Variants in APBA1 observed in about 807,000 individuals in gnomAD.
APBA1 encodes the protein amyloid beta precursor protein binding family A member 1.
A neutral mutation model predicts 86.6 loss-of-function variants in APBA1; 55 were observed. The observed-to-expected ratio is 0.64, with a 90% CI of 0.51 to 0.80. The LOEUF is 0.80. Ranked by LOEUF, APBA1 falls within the 30% of genes least tolerant of loss-of-function variation. APBA1 has a pLI of 0.00. For synonymous variants in APBA1, 511 were observed against 493.9 expected (o/e 1.03, Z -0.46); for missense variants, 1,090 against 1,183.0 (o/e 0.92, Z 1.15).
intron 1 of APBA1, among the ~76,000 whole-genome samples, chr9:69,624,511 T>A (rs943622108): frequency 5.9e-5 from 9 of 152,178 alleles, no homozygotes; most frequent in African/African-American, 2.2e-4. Flanking sequence ...TCACTAGGTA[T>A]TGAATATAGT....
chr9:69,656,121 C>T (rs1262324875), intron 1 of APBA1, among the ~76,000 whole-genome samples: 1 of 152,152 alleles, frequency 6.6e-6, no homozygotes, highest in African/African-American at 2.4e-5. Context: ...GGTAGGAAAC[C>T]AGGTGCTATC....
At chr9:69,450,072 T>G (rs1033014073) in intron 9 of APBA1, among the ~76,000 whole-genome samples, 6 of 150,298 alleles carry the variant, frequency 4.0e-5, no homozygotes, top group Non-Finnish European at 8.9e-5. Context: ...TTTTTTTTTT[T>G]TTTTTTTTTT....
At chr9:69,595,329 C>A (rs962698314) in intron 1 of APBA1, among the ~76,000 whole-genome samples, 2 of 152,122 alleles carry the variant, frequency 1.3e-5, no homozygotes, top group African/African-American at 4.8e-5. Flanking sequence ...TGCTTAGGGG[C>A]AACATCAAAA....
intron 1 of APBA1, among the ~76,000 whole-genome samples, chr9:69,545,196 A>T (rs1384045076): frequency 1.3e-5 from 2 of 152,248 alleles, no homozygotes; most frequent in Non-Finnish European, 2.9e-5. Context: ...AGCCAGACTA[A>T]ACAAAATGGG....
intron 1 of APBA1, among the ~76,000 whole-genome samples, chr9:69,656,832 G>GGGA (rs1823621249): frequency 7.0e-6 from 1 of 143,636 alleles, no homozygotes. Flanking sequence ...AAGAATAACC[G>GGGA]GGAGATCTTT....
intron 10 of APBA1, 26 bp downstream of exon 10, chr9:69,449,558 A>G (rs775678882): frequency 1.3e-6 from 2 of 1,598,446 alleles, no homozygotes; most frequent in Non-Finnish European, 1.7e-6. Flanking sequence ...TTACCACATC[A>G]ACTGATTTTT....
rs1283124756 is a variant in APBA1 at position 69,516,704 on chromosome 9, G to A, written c.507C>T (p.Val169=). ...EAMNAAYSGY[V]YTHRLFHRGE... is the part of the protein sequence containing the mutation. ...CGCGGTGGAAGAGCCGGTGCGTGTA[G>A]ACGTAGCCTGAGTAGGCCGCATTCA... is the stretch of plus-strand genomic sequence containing the variant. Residue 169 remains valine, a synonymous_variant, in exon 2 of 13, where the codon GTC becomes GTT. Coordinates refer to ENST00000265381, the MANE Select transcript of APBA1 (RefSeq NM_001163.4). This position sits in a 1 kb window ranked among gnomAD's most constrained non-coding sequence, Gnocchi z 7.3. 1.2e-6 allele frequency: 2 copies of A among 1,611,054 alleles called. No individual in the cohort carries two copies. The highest frequency in any genetic ancestry group is 2.7e-5 in the African/African-American group (2 of 74,894).
chr9:69,456,173 G>C, intron 8 of APBA1, 74 bp downstream of exon 8: 1 of 1,485,130 alleles, frequency 6.7e-7, no homozygotes. Flanking sequence ...CATGTGTGAT[G>C]AATTAGACTG....
At chr9:69,658,286 C>CTTTCTTTCTTTCTTTTTCTTTCTT (rs770180947) in intron 1 of APBA1, among the ~76,000 whole-genome samples, 2 of 74,184 alleles carry the variant, frequency 2.7e-5, no homozygotes, top group African/African-American at 9.3e-5. Flanking sequence ...CTTTCTTTCT[C>CTTTCTTTCTTTCTTTTTCTTTCTT]TCTCTCTTTC....
At chr9:69,489,056 C>T (rs1835657789) in intron 2 of APBA1, among the ~76,000 whole-genome samples, 1 of 152,006 alleles carries the variant, frequency 6.6e-6, no homozygotes. Context: ...CCATACTGCC[C>T]AAGGTAATTT....
At chr9:69,636,983 G>GAAAGAAAGAA (rs1823191808) in intron 1 of APBA1, among the ~76,000 whole-genome samples, 1 of 138,926 alleles carries the variant, frequency 7.2e-6, no homozygotes, top group Non-Finnish European at 1.6e-5. Flanking sequence ...AAGAAAGAAA[G>GAAAGAAAGAA]AAAAATGTGA....
At chr9:69,471,884 A>T (rs1273225265) in intron 3 of APBA1, among the ~76,000 whole-genome samples, 189 bp from the exon 4 acceptor site, 3 of 152,250 alleles carry the variant, frequency 2.0e-5, no homozygotes, top group African/African-American at 7.2e-5. Context: ...TAAAACCCAG[A>T]ATAGTCCATT....
chr9:69,465,836 A>C (rs1020657191), intron 5 of APBA1, among the ~76,000 whole-genome samples: 4 of 152,208 alleles, frequency 2.6e-5, no homozygotes, highest in Non-Finnish European at 5.9e-5. Context: ...GAAGAAGACA[A>C]ACACCACAGA....
At position 69,427,636 on chromosome 9, in the gene APBA1, A is replaced by C. The variant is rs1369182232; in HGVS notation, c.*3691T>G. ...AGCACAGTAAATACATCACAACCCCAAACTGGATGACTGTGGCCACGGGAC... is the reference window on the plus strand; with the variant it reads ...AGCACAGTAAATACATCACAACCCCCAACTGGATGACTGTGGCCACGGGAC... On this transcript the variant is annotated 3_prime_UTR_variant, in exon 13 of 13. Coordinates refer to ENST00000265381, the MANE Select transcript of APBA1 (RefSeq NM_001163.4). 1 of 152,100 alleles carries C rather than the reference A, an allele frequency of 6.6e-6. No individual in the cohort carries two copies. Among genetic ancestry groups the C allele is most frequent in the African/African-American group, 2.4e-5 (1 of 41,398 alleles). 9.4% of individuals were successfully genotyped at this position (152,100 alleles called of 1,614,324 possible). A position where few individuals can be genotyped will look rare whatever the true frequency, so the allele number is the denominator to read the frequency against.
rs1374858591 is a variant in APBA1, at chr9:69,516,097, C to T, written c.1114G>A (p.Asp372Asn). Residue 372 changes from aspartate to asparagine, a missense_variant, in exon 2 of 13, where the codon GAC becomes AAC. Asp to Asn is a conservative substitution (Grantham distance 23). Transcript: ENST00000265381. The surrounding 1 kb of genome is among the most constrained non-coding windows in gnomAD (Gnocchi z 7.3). ...TRTIRSPYTPDEPKEPIWVMR... is the reference protein window; with the variant it reads ...TRTIRSPYTPNEPKEPIWVMR... ...ACCCAGATGGGCTCTTTGGGCTCGTCGGGGGTGTAAGGCGAACGGATGGTC... is the reference window on the plus strand; with the variant it reads ...ACCCAGATGGGCTCTTTGGGCTCGTTGGGGGTGTAAGGCGAACGGATGGTC... 73 of 1,613,156 alleles carry T rather than the reference C, an allele frequency of 4.5e-5. No homozygotes were observed. Among genetic ancestry groups the T allele is most frequent in the Non-Finnish European group, 5.9e-5 (70 of 1,179,588 alleles).
intron 1 of APBA1, among the ~76,000 whole-genome samples, chr9:69,649,530 G>A (rs538985520): frequency 4.4e-4 from 67 of 152,146 alleles, no homozygotes; most frequent in African/African-American, 1.6e-3. Context: ...GGCACTTATC[G>A]GTGGGTGATG....
chr9:69,654,531 A>G (rs1344785571), intron 1 of APBA1, among the ~76,000 whole-genome samples: 2 of 152,198 alleles, frequency 1.3e-5, no homozygotes, highest in African/African-American at 2.4e-5. Context: ...GAATAGACCA[A>G]TAATAAGTAA....
chr9:69,663,705 A>G (rs10867864), intron 1 of APBA1, among the ~76,000 whole-genome samples: 120,607 of 152,118 alleles, frequency 0.79, 48,834 homozygotes, highest in East Asian at 1. Context: ...TTTTCATACA[A>G]ATTGTATGCT....
chr9:69,462,756 C>T (rs1289961754), intron 5 of APBA1: 20 of 152,216 alleles, frequency 1.3e-4, no homozygotes, highest in Admixed American at 1.3e-3. Flanking sequence ...AGATGCTTCA[C>T]ACACTGGCGG....
Sources: allele counts gnomAD v4.1 joint callset (sites outside exome capture counted in the v4.1 genomes callset), GRCh38; gene constraint gnomAD v4.1.1; non-coding constraint Gnocchi (gnomAD v3.1); transcripts MANE v1.5; gene names NCBI Gene and HGNC (gene_info 2026-07-23, HGNC 2026-07-21).